The following ANKHD1 variants were observed in gnomAD, a reference collection of about 807,000 sequenced individuals.
ANKHD1 encodes the protein ankyrin repeat and KH domain-containing protein 1.
ANKHD1 carries 31 observed loss-of-function variants against 230.5 expected under a neutral mutation model. That is an observed-to-expected ratio of 0.13 (90% CI 0.10 to 0.18). The LOEUF (loss-of-function observed/expected upper bound fraction) is 0.18. ANKHD1 is among the 10% of genes least tolerant of loss of function. The pLI is 1.00. For missense variants in ANKHD1, 2,256 were observed against 3,071.3 expected, an observed-to-expected ratio of 0.73 and a Z score of 6.27; for synonymous variants, 1,074 against 1,117.6, an observed-to-expected ratio of 0.96 and a Z score of 0.78.
At chr5:140,531,298 C>T (rs533116365) in intron 29 of ANKHD1, 9 of 423,900 alleles carry the variant, frequency 2.1e-5, no homozygotes, top group Non-Finnish European at 3.3e-5. Flanking sequence ...GTAGTAATAC[C>T]GACTGAGCGT....
rs1023749740 is a variant in ANKHD1 at position 140,486,745 on chromosome 5, T to C, written c.2143-213T>C. ...GGAGTAATGTTATTTCCATTTAGCT[T>C]AAAATCATTGACTATTTGTAGATTC... is the stretch of plus-strand genomic sequence containing the variant. On this transcript the variant is annotated intron_variant, in intron 13 of 33. Transcript: ENST00000360839. 4.0e-5 allele frequency: 15 copies of C among 371,494 alleles called. No individual in the cohort carries two copies. The Admixed American group carries it at 6.1e-4, about 15-fold the overall frequency. 23.0% of individuals were successfully genotyped at this position (371,494 alleles called of 1,614,324 possible).
intron 1 of ANKHD1, among the ~76,000 whole-genome samples, chr5:140,434,762 A>G (rs1237866365): frequency 1.3e-5 from 2 of 152,102 alleles, no homozygotes; most frequent in East Asian, 3.8e-4. Flanking sequence ...GTAGTCCATC[A>G]TGTAAATGTA....
intron 29 of ANKHD1, chr5:140,532,807 T>A (rs1753891009): frequency 2.3e-6 from 1 of 433,756 alleles, no homozygotes. Flanking sequence ...CATCATGATC[T>A]TTAAAAGCTA....
chr5:140,484,902 TG>T, intron 11 of ANKHD1: 1 of 595,450 alleles, frequency 1.7e-6, no homozygotes, highest in Non-Finnish European at 2.4e-6. Context: ...GAGCACAAGA[TG>T]GGGCTTTTGG....
intron 11 of ANKHD1, chr5:140,484,789 A>G (rs1026131683): frequency 1.3e-5 from 2 of 158,786 alleles, no homozygotes; most frequent in African/African-American, 4.8e-5. Flanking sequence ...CAGACGCAAA[A>G]GAGTACATTG....
At position 140,529,621 on chromosome 5, in the gene ANKHD1, C is replaced by T; in HGVS notation, c.6675C>T (p.Asn2225=). 1 of 1,614,150 alleles carries T rather than the reference C, an allele frequency of 6.2e-7. No homozygotes were observed. The highest frequency in any genetic ancestry group is 8.5e-7 in the Non-Finnish European group (1 of 1,180,030). ...TTGATAGTAGTCAGGTGCCAGCTAA[C>T]CAGGGCTGGGGAGATGGTCCACTGT... The part of the protein sequence containing the change: ...SLFDSSQVPA[N]QGWGDGPLSS... The change falls in exon 29 of 34, where the codon AAC becomes AAT. Residue 2225 remains asparagine (N), a synonymous_variant. Coordinates refer to ENST00000360839, the MANE Select transcript of ANKHD1 (RefSeq NM_017747.3).
At chr5:140,425,101 T>A (rs747624842) in intron 1 of ANKHD1, among the ~76,000 whole-genome samples, 6 of 152,220 alleles carry the variant, frequency 3.9e-5, no homozygotes, top group Non-Finnish European at 7.3e-5. Context: ...TAATAGATTC[T>A]GTGTTAAAGC....
intron 7 of ANKHD1, among the ~76,000 whole-genome samples, chr5:140,455,894 T>C (rs551137716): frequency 1.3e-5 from 2 of 152,226 alleles, no homozygotes; most frequent in South Asian, 4.1e-4. Flanking sequence ...AAATAAAGGG[T>C]ATTCAATTAG....
chr5:140,472,644 C>T (rs1000103364), intron 10 of ANKHD1, among the ~76,000 whole-genome samples: 1 of 152,040 alleles, frequency 6.6e-6, no homozygotes, highest in East Asian at 1.9e-4. Flanking sequence ...CAACTTTGTT[C>T]ATCAAAAATC....
At chr5:140,444,089 CCT>C (rs757295902) in intron 5 of ANKHD1, among the ~76,000 whole-genome samples, 136 of 140,312 alleles carry the variant, frequency 9.7e-4, no homozygotes, top group African/African-American at 1.9e-3. Context: ...TCCCCCCCCC[CCT>C]TTTTTTTTTT....
chr5:140,501,374 A>G (rs1752296794), intron 15 of ANKHD1, among the ~76,000 whole-genome samples: 1 of 152,014 alleles, frequency 6.6e-6, no homozygotes, highest in Admixed American at 6.6e-5. Flanking sequence ...CACCACGCCA[A>G]CCATAGGTTT....
intron 2 of ANKHD1, among the ~76,000 whole-genome samples, chr5:140,437,019 T>G (rs1002720642): frequency 6.6e-6 from 1 of 152,226 alleles, no homozygotes; most frequent in Non-Finnish European, 1.5e-5. Flanking sequence ...CTTCCCGTTT[T>G]CTGTCAAGGT....
chr5:140,495,447 G>T (rs191301604), intron 14 of ANKHD1, among the ~76,000 whole-genome samples: 1 of 151,810 alleles, frequency 6.6e-6, no homozygotes, highest in African/African-American at 2.4e-5. Context: ...GGGTTTCACC[G>T]TGTTAGCCAG....
intron 1 of ANKHD1, among the ~76,000 whole-genome samples, chr5:140,415,159 C>T (rs571538108): frequency 1.8e-4 from 27 of 151,798 alleles, no homozygotes; most frequent in African/African-American, 6.3e-4. Flanking sequence ...CGAGGCGGGC[C>T]GATCACAAGG....
intron 10 of ANKHD1, among the ~76,000 whole-genome samples, chr5:140,465,577 T>C (rs1411740301): frequency 6.6e-6 from 1 of 152,210 alleles, no homozygotes; most frequent in Non-Finnish European, 1.5e-5. Context: ...GTAAATGTTA[T>C]AGAGAATTAG....
intron 15 of ANKHD1, among the ~76,000 whole-genome samples, chr5:140,497,877 C>CCACA (rs36224738): frequency 0.042 from 6,003 of 144,496 alleles, 125 homozygotes; most frequent in African/African-American, 0.044. Flanking sequence ...CCACACCACA[C>CCACA]CACACACACA....
intron 1 of ANKHD1, among the ~76,000 whole-genome samples, chr5:140,407,506 G>T (rs1413419923): frequency 6.6e-6 from 1 of 150,548 alleles, no homozygotes; most frequent in Non-Finnish European, 1.5e-5. Flanking sequence ...CTGGGCTCAA[G>T]CAATCCTACT....
Position 140,458,795 on chromosome 5 carries a change from A to T in ANKHD1, c.1413A>T (p.Gly471=), listed in dbSNP as rs748094929. 6.2e-7 allele frequency: 1 copy of T among 1,613,038 alleles called. No homozygotes were observed. Among genetic ancestry groups the T allele is most frequent in the Admixed American group, 1.7e-5 (1 of 59,828 alleles). The change falls in exon 8 of 34, where the codon GGA becomes GGT. Residue 471 remains glycine, a synonymous_variant. Transcript: ENST00000360839. The part of the protein sequence containing the change: ...GANLEEVNDE[G]YTPLMEAARE... ...ATCTTGAAGAAGTTAATGATGAAGG[A>T]TACACTCCCTTGATGGAAGCTGCCC...
chr5:140,443,680 T>TAAA (rs572970598), intron 5 of ANKHD1, among the ~76,000 whole-genome samples: 1 of 104,870 alleles, frequency 9.5e-6, no homozygotes, highest in Non-Finnish European at 2.1e-5. Flanking sequence ...ACTCCGTCTA[T>TAAA]AAAAAAAAAA....
Sources: allele counts gnomAD v4.1 joint callset (sites outside exome capture counted in the v4.1 genomes callset), GRCh38; gene constraint gnomAD v4.1.1; transcripts MANE v1.5; gene names NCBI Gene and HGNC (gene_info 2026-07-23, HGNC 2026-07-21).